The following FBRSL1 variants were observed in gnomAD, a reference collection of about 807,000 sequenced individuals.
FBRSL1 encodes the protein fibrosin like 1, also known as fibrosin-1-like protein.
In FBRSL1, 51 loss-of-function variants were observed where a neutral mutation model predicts 89.6. That is an observed-to-expected ratio of 0.57 (90% confidence interval 0.45 to 0.72). The LOEUF (loss-of-function observed/expected upper bound fraction) is 0.72, where lower values mean the gene tolerates loss of function less well. Ranked by LOEUF, FBRSL1 falls within the 30% of genes least tolerant of loss-of-function variation. The pLI is 0.00. For missense variants in FBRSL1, 1,618 were observed against 1,451.8 expected (o/e 1.11, Z -1.86); for synonymous variants, 779 against 681.1 (o/e 1.14, Z -2.24).
At chr12:132,505,223 G>T (rs927781301) in intron 1 of FBRSL1, among the ~76,000 whole-genome samples, 1 of 152,220 alleles carries the variant, frequency 6.6e-6, no homozygotes, top group African/African-American at 2.4e-5. Context: ...GAGCGCGGCC[G>T]CTGCTGGTCT....
intron 2 of FBRSL1, 113 bp downstream of exon 2, chr12:132,508,463 C>T (rs1250283108): frequency 1.1e-5 from 13 of 1,196,876 alleles, no homozygotes; most frequent in East Asian, 5.3e-5. Flanking sequence ...TGCCTGGCAG[C>T]GCGCCCATCG....
chr12:132,534,562 C>T (rs1398976388), intron 4 of FBRSL1, among the ~76,000 whole-genome samples: 1 of 152,260 alleles, frequency 6.6e-6, no homozygotes, highest in Non-Finnish European at 1.5e-5. Flanking sequence ...ACACAGGGCT[C>T]ACTTCCCGCA....
At chr12:132,536,220 G>A (rs543107316) in intron 4 of FBRSL1, among the ~76,000 whole-genome samples, 46 of 150,394 alleles carry the variant, frequency 3.1e-4, no homozygotes, top group South Asian at 6.3e-4. Flanking sequence ...GTGAGTGCAC[G>A]TGTAAAATGG....
At chr12:132,517,469 C>T (rs1484374527) in intron 2 of FBRSL1, among the ~76,000 whole-genome samples, 3 of 152,022 alleles carry the variant, frequency 2.0e-5, no homozygotes, top group Non-Finnish European at 4.4e-5. Context: ...GTCATTCCGC[C>T]CCTGTTCTGG....
intron 4 of FBRSL1, among the ~76,000 whole-genome samples, chr12:132,533,860 C>T (rs1467963696): frequency 6.6e-6 from 1 of 152,200 alleles, no homozygotes; most frequent in Non-Finnish European, 1.5e-5. Context: ...GCAGCAGCTG[C>T]CAGGTCGGAA....
Position 132,574,504 on chromosome 12 carries a change from G to A in FBRSL1, c.1641G>A (p.Arg547=), listed in dbSNP as rs1456042683. The part of the protein sequence containing the change: ...PYRAVVKKPG[R]WCAVHVQIAW... ...CCATCCTGTCGCAGAAGCCGGGGAGGTGGTGTGCCGTGCACGTGCAGATCG... is the reference window on the plus strand; with the variant it reads ...CCATCCTGTCGCAGAAGCCGGGGAGATGGTGTGCCGTGCACGTGCAGATCG... The change falls in exon 14 of 19, where the codon AGG becomes AGA. Residue 547 remains arginine, a synonymous_variant. Transcript: ENST00000680143. 3 of 1,550,104 alleles carry A rather than the reference G, an allele frequency of 1.9e-6. No homozygotes were observed. The highest frequency in any genetic ancestry group is 2.7e-5 in the African/African-American group (2 of 73,022).
chr12:132,542,708 A>G (rs10735669), intron 4 of FBRSL1, among the ~76,000 whole-genome samples: 115,242 of 152,146 alleles, frequency 0.76, 44,324 homozygotes, highest in African/African-American at 0.91. Context: ...TCTGTCTCCT[A>G]TCTCCTCCCC....
At chr12:132,581,967 G>A in intron 17 of FBRSL1, 95 bp from the exon 18 acceptor site, 1 of 1,321,876 alleles carries the variant, frequency 7.6e-7, no homozygotes, top group Non-Finnish European at 1.0e-6. Flanking sequence ...CTCAGTGTCA[G>A]CCTGGGACCC....
At position 132,511,363 on chromosome 12, in the gene FBRSL1, C is replaced by T. The variant is rs925073431; in HGVS notation, c.489+3013C>T. On this transcript the variant is annotated intron_variant, in intron 2 of 18. Transcript: ENST00000680143. ...TTGACCTACATGTGGTCGGGCACAC[C>T]TCACACTACAAGGCTACCCCTGGGC... 9.1e-6 allele frequency: 9 copies of T among 985,608 alleles called. 1 individual carries two copies. In the South Asian group the frequency reaches 3.3e-4, roughly 36 times the overall value. 61.1% of individuals were successfully genotyped at this position (985,608 alleles called of 1,614,324 possible).
intron 4 of FBRSL1, among the ~76,000 whole-genome samples, chr12:132,539,305 G>GGCCCTCCAGCCCGATGCCCACCCAGTCCT (rs1345674550): frequency 6.6e-6 from 1 of 151,266 alleles, no homozygotes; most frequent in Non-Finnish European, 1.5e-5. Flanking sequence ...CCCATGCCCC[G>GGCCCTCCAGCCCGATGCCCACCCAGTCCT]GCCCTCCAGC....
intron 1 of FBRSL1, among the ~76,000 whole-genome samples, chr12:132,507,912 G>A (rs753684715): frequency 1.3e-5 from 2 of 152,082 alleles, no homozygotes; most frequent in African/African-American, 2.4e-5. Flanking sequence ...GCTTTTTCTC[G>A]TCTGGCCCCT....
At chr12:132,526,732 A>AG (rs1180710420) in intron 3 of FBRSL1, among the ~76,000 whole-genome samples, 1 of 152,018 alleles carries the variant, frequency 6.6e-6, no homozygotes. Flanking sequence ...TGCCCCTCAG[A>AG]GGGGGTGTTG....
rs769916059 is a variant in FBRSL1 at position 132,571,521 on chromosome 12, G to A, written c.1377+290G>A. On this transcript the variant is annotated intron_variant, in intron 9 of 18. Coordinates refer to ENST00000680143, the MANE Select transcript of FBRSL1 (RefSeq NM_001367871.1). ...CCCCGACGCCGCCCGCCGCACCCCC[G>A]CCGGTGCGTAGGCCCGCGTGCTGGC... The A allele has an allele frequency of 1.0e-5, 16 of 1,532,976 alleles. No individual in the cohort carries two copies. The Middle Eastern group carries it at 5.6e-4, about 53-fold the overall frequency. The allele number at this position is 1,532,976 out of a possible 1,614,324, so 95.0% of individuals were successfully genotyped here. A position where few individuals can be genotyped will look rare whatever the true frequency, so the allele number is the denominator to read the frequency against.
At chr12:132,518,280 A>G (rs1477077220) in intron 2 of FBRSL1, among the ~76,000 whole-genome samples, 1 of 149,624 alleles carries the variant, frequency 6.7e-6, no homozygotes, top group African/African-American at 2.5e-5. Context: ...CCATGCATCT[A>G]CCCATGCATC....
rs1434336570 is a variant in FBRSL1, at chr12:132,574,178, C to T, written c.1599+20C>T. 6.3e-6 allele frequency: 9 copies of T among 1,426,544 alleles called. No individual in the cohort carries two copies. Among genetic ancestry groups the T allele is most frequent in the African/African-American group, 4.3e-5 (3 of 69,200 alleles). 88.4% of individuals were successfully genotyped at this position (1,426,544 alleles called of 1,614,324 possible). A position where few individuals can be genotyped will look rare whatever the true frequency, so the allele number is the denominator to read the frequency against. ...CCTGGGGTAGGTGTTAGTGGGCGCCCGTCCCCACCCCGGGGGATGGCCTGC... is the reference window on the plus strand; with the variant it reads ...CCTGGGGTAGGTGTTAGTGGGCGCCTGTCCCCACCCCGGGGGATGGCCTGC... On this transcript the variant is annotated intron_variant, in intron 12 of 18. Transcript: ENST00000680143.
chr12:132,523,131 G>A (rs2035506239), intron 2 of FBRSL1, among the ~76,000 whole-genome samples: 3 of 152,112 alleles, frequency 2.0e-5, no homozygotes, highest in African/African-American at 7.2e-5. Flanking sequence ...TGTCATCCAG[G>A]GACTGTGATC....
Position 132,546,221 on chromosome 12 carries a change from C to G in FBRSL1, c.616-1782C>G, listed in dbSNP as rs1467285308. 2.0e-5 allele frequency among the ~76,000 whole-genome samples: 3 copies of G among 152,272 alleles called. No individual in the cohort carries two copies. Among genetic ancestry groups the G allele is most frequent in the African/African-American group, 7.2e-5 (3 of 41,478 alleles). On this transcript the variant is annotated intron_variant, in intron 4 of 18. Transcript: ENST00000680143. This position sits in a 1 kb window ranked among gnomAD's most constrained non-coding sequence, Gnocchi z 4.0. ...ATTTCATACTTTCCTCACCAAACAC[C>G]AAGGCCCGCCCATATCACAGCAGGG... is the stretch of plus-strand genomic sequence containing the variant.
At chr12:132,530,161 A>G (rs1032895067) in intron 4 of FBRSL1, among the ~76,000 whole-genome samples, 6 of 147,248 alleles carry the variant, frequency 4.1e-5, no homozygotes, top group East Asian at 2.0e-4. Flanking sequence ...CCTTCCCATC[A>G]TCATGAGTTT....
intron 1 of FBRSL1, among the ~76,000 whole-genome samples, chr12:132,492,957 G>A (rs1261564233): frequency 6.6e-6 from 1 of 152,202 alleles, no homozygotes; most frequent in Non-Finnish European, 1.5e-5. Flanking sequence ...CAATAGTAGT[G>A]ACTGGTTCAG....
Sources: gnomAD v4.1 joint callset for allele counts (sites outside exome capture counted in the v4.1 genomes callset) on GRCh38, gnomAD v4.1.1 for gene constraint, Gnocchi (gnomAD v3.1) non-coding constraint, MANE v1.5 for transcripts, NCBI Gene and HGNC (gene_info 2026-07-23, HGNC 2026-07-21) for gene names.